Variants in CAST observed in about 807,000 individuals in gnomAD.
CAST encodes MIR583 host.
CAST carries 76 observed loss-of-function variants against 119.6 expected under a neutral mutation model. The observed-to-expected ratio is 0.64, with a 90% CI of 0.53 to 0.77. The LOEUF (loss-of-function observed/expected upper bound fraction) is 0.77. Ranked by LOEUF, CAST falls within the 30% of genes least tolerant of loss-of-function variation. The pLI is 0.00. For synonymous variants in CAST, 319 were observed against 331.6 expected (o/e 0.96, Z 0.41); for missense variants, 953 against 946.5 (o/e 1.01, Z -0.09).
chr5:96,271,806 A>C, the CAST span, among the ~76,000 whole-genome samples: 3 of 152,194 alleles, frequency 2.0e-5, no homozygotes, highest in Admixed American at 6.5e-5. Context: ...GAAACAATTA[A>C]CAAAGTGAAC....
In CAST at chr5:96,620,366, C is replaced by T. The variant is rs182389078; in HGVS notation, c.61-55173C>T. Among the ~76,000 whole-genome samples, 81 of 150,160 alleles carry T rather than the reference C, an allele frequency of 5.4e-4. 1 individual carries two copies. The East Asian group carries it at 0.011, about 21-fold the overall frequency. ...GGTATAAAAGTGATACACATTCAGT[C>T]GACATTGTAGTTAAAATTTTGAGTT... is the stretch of plus-strand genomic sequence containing the variant. On this transcript the variant is annotated intron_variant, in intron 1 of 11. Transcript: ENST00000505143.
the CAST span, among the ~76,000 whole-genome samples, chr5:96,048,137 G>A: frequency 1.3e-5 from 2 of 152,184 alleles, no homozygotes; most frequent in Non-Finnish European, 2.9e-5. Context: ...ATATTTAAGT[G>A]CTCAGTTTGT....
chr5:96,774,053 C>CATT lies in CAST; in HGVS notation c.*1441_*1443dup, dbSNP rs1351475326. 6.6e-6 allele frequency: 1 copy of CATT among 152,388 alleles called. No individual in the cohort carries two copies. Among genetic ancestry groups the CATT allele is most frequent in the Non-Finnish European group, 1.5e-5 (1 of 68,034 alleles). The allele number at this position is 152,388 out of a possible 1,614,324, so 9.4% of individuals were successfully genotyped here. A position where few individuals can be genotyped will look rare whatever the true frequency, so the allele number is the denominator to read the frequency against. ...TATGTCTCTATCCATCAGAAATAGT[C>CATT]ATTATTCTATTTTTAAGGCAGCAAC... On this transcript the variant is annotated 3_prime_UTR_variant, in exon 32 of 32. Transcript: ENST00000675179.
chr5:96,224,080 T>C, the CAST span, among the ~76,000 whole-genome samples: 1 of 152,158 alleles, frequency 6.6e-6, no homozygotes, highest in Non-Finnish European at 1.5e-5. Flanking sequence ...AAAAAGGATA[T>C]ACATAATGTT....
chr5:96,488,679 T>C, the CAST span, among the ~76,000 whole-genome samples: 1 of 152,228 alleles, frequency 6.6e-6, no homozygotes, highest in African/African-American at 2.4e-5. Context: ...CTTTCTTGGA[T>C]TTTTGAAGGT....
chr5:96,286,047 A>G, the CAST span, among the ~76,000 whole-genome samples: 1 of 152,212 alleles, frequency 6.6e-6, no homozygotes, highest in African/African-American at 2.4e-5. Flanking sequence ...TTTAACATAG[A>G]AACAGAGCAG....
the CAST span, among the ~76,000 whole-genome samples, chr5:96,212,281 C>T: frequency 1.3e-5 from 2 of 152,152 alleles, no homozygotes; most frequent in African/African-American, 4.8e-5. Flanking sequence ...AAATTTCCCT[C>T]TAAGCACTGC....
the CAST span, among the ~76,000 whole-genome samples, chr5:96,041,207 G>A: frequency 4.0e-4 from 61 of 152,108 alleles, 1 homozygote; most frequent in East Asian, 0.012. Context: ...ACAGATCAAG[G>A]CCATTATCAA....
chr5:96,557,213 T>G (rs1746260024), intron 1 of CAST, among the ~76,000 whole-genome samples: 1 of 152,086 alleles, frequency 6.6e-6, no homozygotes, highest in South Asian at 2.1e-4. Context: ...AAGGAAGCAC[T>G]AAACATGGAA....
At chr5:96,671,308 A>G (rs1284894895) in intron 1 of CAST, among the ~76,000 whole-genome samples, 4 of 152,278 alleles carry the variant, frequency 2.6e-5, no homozygotes, top group Middle Eastern at 3.4e-3. Flanking sequence ...CTGCCAATAC[A>G]GGACAGTATT....
chr5:96,586,437 C>T (rs1580835748), intron 1 of CAST, among the ~76,000 whole-genome samples: 1 of 152,140 alleles, frequency 6.6e-6, no homozygotes, highest in East Asian at 1.9e-4. Flanking sequence ...TATAAATGAG[C>T]TCAATTGTGC....
chr5:96,301,515 G>A, the CAST span, among the ~76,000 whole-genome samples: 1 of 152,124 alleles, frequency 6.6e-6, no homozygotes, highest in Non-Finnish European at 1.5e-5. Flanking sequence ...AACAAGGCAA[G>A]TCTCTTCCAC....
chr5:96,201,007 A>G, the CAST span, among the ~76,000 whole-genome samples: 1 of 152,176 alleles, frequency 6.6e-6, no homozygotes, highest in Admixed American at 6.6e-5. Context: ...TAATAATAAA[A>G]GAGCATTGAA....
chr5:96,458,659 G>T, the CAST span, among the ~76,000 whole-genome samples: 19 of 152,214 alleles, frequency 1.2e-4, 1 homozygote, highest in South Asian at 3.9e-3. Flanking sequence ...TGAGTCCAGG[G>T]TCCAGTTTTC....
chr5:96,059,475 C>A, the CAST span, among the ~76,000 whole-genome samples: 1 of 152,080 alleles, frequency 6.6e-6, no homozygotes, highest in Non-Finnish European at 1.5e-5. Context: ...CCTAAAGGAT[C>A]TAAGGCTATT....
chr5:96,087,479 T>A, the CAST span, among the ~76,000 whole-genome samples: 1 of 152,174 alleles, frequency 6.6e-6, no homozygotes, highest in African/African-American at 2.4e-5. Flanking sequence ...ATACCAGAAG[T>A]GCATAATAGA....
At chr5:96,764,475 C>G (rs982938590) in intron 25 of CAST, among the ~76,000 whole-genome samples, 2 of 152,162 alleles carry the variant, frequency 1.3e-5, no homozygotes, top group Non-Finnish European at 2.9e-5. Context: ...ATTTCACTTC[C>G]ATGAGCTTCC....
chr5:96,139,531 C>CATAT, the CAST span, among the ~76,000 whole-genome samples: 6 of 121,656 alleles, frequency 4.9e-5, no homozygotes, highest in African/African-American at 1.3e-4. Flanking sequence ...TATATATATA[C>CATAT]ATATATATAT....
chr5:96,085,895 T>A, the CAST span, among the ~76,000 whole-genome samples: 2 of 152,242 alleles, frequency 1.3e-5, no homozygotes, highest in Non-Finnish European at 2.9e-5. Flanking sequence ...GTTGGCAATG[T>A]CTCTGGATTT....
Sources: allele counts gnomAD v4.1 joint callset (sites outside exome capture counted in the v4.1 genomes callset), GRCh38; gene constraint gnomAD v4.1.1; transcripts MANE v1.5; gene names NCBI Gene and HGNC (gene_info 2026-07-23, HGNC 2026-07-21).